VPS13D: variants seen among roughly 807,000 people sequenced by gnomAD.
VPS13D encodes the protein vacuolar protein sorting 13 homolog D.
In VPS13D, 187 loss-of-function variants were observed where a neutral mutation model predicts 461.9. The observed-to-expected ratio is 0.40, with a 90% confidence interval of 0.36 to 0.46. The LOEUF (loss-of-function observed/expected upper bound fraction) is 0.46, where lower values mean the gene tolerates loss of function less well. Ranked by LOEUF, VPS13D falls within the 20% of genes least tolerant of loss-of-function variation. The probability of loss-of-function intolerance (pLI) is 0.60; values close to 1 mark genes in which losing one functional copy is unlikely to be tolerated. For synonymous variants in VPS13D, 1,951 were observed against 1,986.3 expected (o/e 0.98, Z 0.47); for missense variants, 4,711 against 5,364.9 (o/e 0.88, Z 3.81).
rs1644492342 is a variant in VPS13D at position 12,396,013 on chromosome 1, A to G, written c.11635-4168A>G. On this transcript the variant is annotated intron_variant, in intron 60 of 69. Transcript: ENST00000620676. ...TAATAGGAGATATATATATATATAT[A>G]TATATATATATATATAGTTCTTTAA... is the stretch of plus-strand genomic sequence containing the variant. 8.1e-5 allele frequency among the ~76,000 whole-genome samples: 11 copies of G among 135,658 alleles called. 1 individual carries two copies. Among genetic ancestry groups the G allele is most frequent in the African/African-American group, 2.9e-4 (10 of 34,254 alleles). 89.0% of individuals were successfully genotyped at this position (135,658 alleles called of 152,430 possible).
rs763748791 is a variant in VPS13D at position 12,275,819 on chromosome 1, C to A, written c.2237-6C>A. ...TATATTTGAATCTTCTTTTTTTTAT[C>A]TTCAGATAACTCCAGGAGGAAAAGT... On this transcript the variant is annotated splice_region_variant and splice_polypyrimidine_tract_variant and intron_variant, in intron 18 of 69. Coordinates refer to ENST00000620676, the MANE Select transcript of VPS13D (RefSeq NM_015378.4). 1.3e-6 allele frequency: 2 copies of A among 1,551,062 alleles called. No individual in the cohort carries two copies. Among genetic ancestry groups the A allele is most frequent in the Admixed American group, 2.1e-5 (1 of 46,516 alleles).
intron 68 of VPS13D, among the ~76,000 whole-genome samples, chr1:12,504,176 A>G (rs1190096677): frequency 2.0e-5 from 3 of 152,170 alleles, no homozygotes; most frequent in Non-Finnish European, 4.4e-5. Flanking sequence ...TAAAATTAAT[A>G]ATAATAACGA....
In VPS13D at chr1:12,441,718, T is replaced by C. The variant is rs569519835; in HGVS notation, c.12334-14280T>C. On this transcript the variant is annotated intron_variant, in intron 65 of 69. Transcript: ENST00000620676. ...ATATTTCCATCTGGAGTCGCAAAGA[T>C]CTTTCTTCTTCAATCCAAATCAATA... 2.5e-3 allele frequency among the ~76,000 whole-genome samples: 382 copies of C among 152,338 alleles called. 1 individual carries two copies. Among genetic ancestry groups the C allele is most frequent in the Non-Finnish European group, 4.4e-3 (301 of 68,034 alleles).
At chr1:12,504,165 T>A (rs1199081347) in intron 68 of VPS13D, among the ~76,000 whole-genome samples, 2 of 151,984 alleles carry the variant, frequency 1.3e-5, no homozygotes, top group Admixed American at 6.6e-5. Flanking sequence ...AAAGAAAAAA[T>A]TAAAATTAAT....
chr1:12,368,721 T>C, intron 53 of VPS13D, 130 bp downstream of exon 53: 1 of 1,135,418 alleles, frequency 8.8e-7, no homozygotes. Context: ...ATAGGTTCTT[T>C]ATATCTGGAC....
intron 67 of VPS13D, 67 bp from the exon 68 acceptor site, chr1:12,497,433 T>G: frequency 6.5e-7 from 1 of 1,543,788 alleles, no homozygotes; most frequent in South Asian, 1.2e-5. Context: ...TTTGTCTTAG[T>G]GAGAAAGGAA....
At chr1:12,368,948 A>G (rs1004491683) in intron 53 of VPS13D, among the ~76,000 whole-genome samples, 4 of 152,192 alleles carry the variant, frequency 2.6e-5, no homozygotes, top group African/African-American at 9.7e-5. Context: ...GCTGTTGCTT[A>G]GTTACAGTGA....
chr1:12,262,893 A>C (rs1309861599), intron 13 of VPS13D, among the ~76,000 whole-genome samples: 3 of 151,760 alleles, frequency 2.0e-5, no homozygotes, highest in Non-Finnish European at 4.4e-5. Flanking sequence ...TAGTGGAGAC[A>C]AGGTATCGCT....
intron 44 of VPS13D, 151 bp from the exon 45 acceptor site, chr1:12,348,672 A>G (rs1172177157): frequency 1.0e-6 from 1 of 984,528 alleles, no homozygotes; most frequent in Non-Finnish European, 1.4e-6. Context: ...CTCCCTTTAA[A>G]GTTGAATGGC....
chr1:12,353,664 A>G (rs745497362), intron 46 of VPS13D, among the ~76,000 whole-genome samples: 2 of 152,098 alleles, frequency 1.3e-5, no homozygotes, highest in Non-Finnish European at 1.5e-5. Context: ...GGTTGCCTGA[A>G]TGATGGAGGA....
intron 51 of VPS13D, 100 bp from the exon 52 acceptor site, chr1:12,362,972 A>G: frequency 6.3e-7 from 1 of 1,580,204 alleles, no homozygotes; most frequent in East Asian, 2.2e-5. Flanking sequence ...TGGTACCCAG[A>G]TAGCTCCTGT....
intron 60 of VPS13D, among the ~76,000 whole-genome samples, chr1:12,389,827 G>C (rs921348233): frequency 2.0e-5 from 3 of 152,206 alleles, no homozygotes; most frequent in African/African-American, 7.2e-5. Flanking sequence ...GGATTGGGCT[G>C]TTGTAGTTTC....
intron 67 of VPS13D, among the ~76,000 whole-genome samples, chr1:12,483,207 C>G (rs1420089483): frequency 1.3e-5 from 2 of 152,208 alleles, no homozygotes; most frequent in Admixed American, 6.5e-5. Flanking sequence ...TCTGGCTATT[C>G]ATTCATTCAG....
rs538195261 is a variant in VPS13D, at chr1:12,470,018, G to T, written c.12662+9622G>T. Among the ~76,000 whole-genome samples the T allele has an allele frequency of 4.6e-5, 7 of 152,304 alleles. No individual in the cohort carries two copies. The South Asian group carries it at 1.4e-3, about 32-fold the overall frequency. On this transcript the variant is annotated intron_variant, in intron 67 of 69. Transcript: ENST00000620676. ...GAGTAGGATAAACCCACAGTATTTG[G>T]ATAAGCTCCTTTGAACTCCTTGTAG...
chr1:12,415,314 A>G (rs982334257), intron 64 of VPS13D, 93 bp downstream of exon 64: 1 of 1,520,020 alleles, frequency 6.6e-7, no homozygotes, highest in African/African-American at 1.4e-5. Flanking sequence ...ATTACTATTG[A>G]GAACCCAGTT....
At chr1:12,482,982 A>G (rs1050042470) in intron 67 of VPS13D, among the ~76,000 whole-genome samples, 3 of 152,066 alleles carry the variant, frequency 2.0e-5, no homozygotes, top group Non-Finnish European at 4.4e-5. Context: ...GATGTTTTTA[A>G]TTTGTTGCTG....
intron 7 of VPS13D, 73 bp from the exon 8 acceptor site, chr1:12,256,260 C>A: frequency 6.5e-7 from 1 of 1,530,254 alleles, no homozygotes; most frequent in Non-Finnish European, 8.8e-7. Context: ...GTCATAAAAC[C>A]CCAACATTGT....
In VPS13D at chr1:12,506,864, T is replaced by C. The variant is rs1646116219; in HGVS notation, c.12806T>C (p.Val4269Ala). The stretch of plus-strand genomic sequence containing the variant: ...GTCTCGCTTTGCAGCTTCATCGCTG[T>C]GGAGAACATTGACAGCTACTGCGTG... ...DNIQDEFFIA[V>A]ENIDSYCVLI... Residue 4269 changes from valine to alanine, a missense_variant, in exon 69 of 70, where the codon GTG becomes GCG. By Grantham distance (64) the Val-to-Ala change is moderately conservative. Around this residue, in one of 3 missense-constraint regions of VPS13D, gnomAD observed 194 missense variants for 220.9 expected, o/e 0.88. Coordinates refer to ENST00000620676, the MANE Select transcript of VPS13D (RefSeq NM_015378.4). 1.2e-6 allele frequency: 2 copies of C among 1,614,226 alleles called. No individual in the cohort carries two copies. Among genetic ancestry groups the C allele is most frequent in the South Asian group, 2.2e-5 (2 of 91,088 alleles).
At chr1:12,499,758 G>A (rs959619623) in intron 68 of VPS13D, 1 of 985,278 alleles carries the variant, frequency 1.0e-6, no homozygotes, top group Non-Finnish European at 1.2e-6. Flanking sequence ...AGTGTACAAG[G>A]AAGAAGCCAT....
Sources: allele counts gnomAD v4.1 joint callset (sites outside exome capture counted in the v4.1 genomes callset), GRCh38; gene constraint gnomAD v4.1.1; regional missense constraint gnomAD v4.1.1; transcripts MANE v1.5; gene names NCBI Gene and HGNC (gene_info 2026-07-23, HGNC 2026-07-21).